Variants in WBP2NL observed in about 807,000 individuals in gnomAD.
WBP2NL encodes WBP2 N-terminal like.
In WBP2NL, 27 loss-of-function variants were observed where a neutral mutation model predicts 23.3. The ratio of observed to expected loss-of-function variants is 1.16; its 90% CI spans 0.85 to 1.60. The LOEUF is 1.60. Ranked by LOEUF, WBP2NL falls within the 40% of genes most tolerant of loss-of-function variation. The pLI, the probability that WBP2NL is intolerant of heterozygous loss-of-function variation, is 0.00. For synonymous variants in WBP2NL, 151 were observed against 145.9 expected, an observed-to-expected ratio of 1.03 and a Z score of -0.25; for missense variants, 370 against 389.5, an observed-to-expected ratio of 0.95 and a Z score of 0.42.
chr22:42,015,300 C>T (rs1923198803), intron 1 of WBP2NL, among the ~76,000 whole-genome samples: 1 of 152,200 alleles, frequency 6.6e-6, no homozygotes, highest in South Asian at 2.1e-4. Context: ...ACAAAATCTC[C>T]CAGCCCTTGC....
downstream of WBP2NL, chr22:42,033,044 G>A (rs577090063): frequency 7.0e-4 from 118 of 168,662 alleles, no homozygotes; most frequent in African/African-American, 2.8e-3. Flanking sequence ...CACCCGGCCT[G>A]ACAGGCTGCA....
chr22:42,038,256 CT>C (rs1280415641), intron 8 of WBP2NL, among the ~76,000 whole-genome samples: 1 of 152,034 alleles, frequency 6.6e-6, no homozygotes, highest in Non-Finnish European at 1.5e-5. Flanking sequence ...TGTTTCCTTC[CT>C]CTTATTGTGA....
At chr22:42,034,787 A>G (rs555860931), downstream of WBP2NL, among the ~76,000 whole-genome samples, 2 of 152,334 alleles carry the variant, frequency 1.3e-5, no homozygotes, top group African/African-American at 4.8e-5. Context: ...TGAGAAAGGA[A>G]TTCAGTGATA....
chr22:42,054,156 T>G (rs925626382), intron 8 of WBP2NL, among the ~76,000 whole-genome samples: 1 of 150,380 alleles, frequency 6.6e-6, no homozygotes, highest in African/African-American at 2.5e-5. Context: ...CAAGTCCAAC[T>G]TATCTATTTT....
At chr22:42,015,875 C>T (rs1923261015) in intron 1 of WBP2NL, among the ~76,000 whole-genome samples, 1 of 152,186 alleles carries the variant, frequency 6.6e-6, no homozygotes, top group African/African-American at 2.4e-5. Context: ...CTTTATTCCT[C>T]AAAGCATCTC....
intron 1 of WBP2NL, among the ~76,000 whole-genome samples, chr22:42,000,602 C>T (rs1233531240): frequency 6.6e-6 from 1 of 151,970 alleles, no homozygotes; most frequent in Non-Finnish European, 1.5e-5. Flanking sequence ...GAATAGTTGC[C>T]ACTGATAAAT....
chr22:42,013,875 G>A (rs1923067416), intron 1 of WBP2NL, among the ~76,000 whole-genome samples: 2 of 152,002 alleles, frequency 1.3e-5, no homozygotes, highest in South Asian at 4.1e-4. Context: ...CTGCCTCCTG[G>A]GTTCACGCAA....
chr22:42,018,079 G>A (rs1923483504), intron 1 of WBP2NL, among the ~76,000 whole-genome samples: 1 of 151,438 alleles, frequency 6.6e-6, no homozygotes, highest in Non-Finnish European at 1.5e-5. Flanking sequence ...AACCCGGGAG[G>A]CGGAGGTTGC....
chr22:42,041,197 G>A (rs557257549), intron 8 of WBP2NL, among the ~76,000 whole-genome samples: 116 of 152,070 alleles, frequency 7.6e-4, no homozygotes, highest in Non-Finnish European at 1.3e-3. Flanking sequence ...AGTCTGTTTT[G>A]GCTGGGCACA....
chr22:42,043,547 T>C (rs1320726154), intron 8 of WBP2NL, among the ~76,000 whole-genome samples: 1 of 152,072 alleles, frequency 6.6e-6, no homozygotes, highest in Non-Finnish European at 1.5e-5. Flanking sequence ...GTAGCTGTGG[T>C]GTTGGTAGTG....
intron 1 of WBP2NL, among the ~76,000 whole-genome samples, chr22:42,013,134 A>G (rs1922978799): frequency 6.6e-6 from 1 of 151,956 alleles, no homozygotes; most frequent in African/African-American, 2.4e-5. Context: ...GCACTTTGGG[A>G]GCCCGAGGTG....
At chr22:42,023,413 C>A (rs1386954773) in intron 5 of WBP2NL, among the ~76,000 whole-genome samples, 1 of 151,918 alleles carries the variant, frequency 6.6e-6, no homozygotes, top group African/African-American at 2.4e-5. Context: ...CAGGCTGGTT[C>A]TGAACTCCTG....
chr22:42,049,110 C>T (rs1925714994), intron 8 of WBP2NL, among the ~76,000 whole-genome samples: 1 of 152,132 alleles, frequency 6.6e-6, no homozygotes, highest in African/African-American at 2.4e-5. Flanking sequence ...TTAAGACTTG[C>T]TGTAAAGTTA....
At chr22:42,002,010 G>C in intron 1 of WBP2NL, 1 of 773,782 alleles carries the variant, frequency 1.3e-6, no homozygotes, top group Non-Finnish European at 1.9e-6. Flanking sequence ...ACTGGTCCGA[G>C]AATCGGCTTT....
chr22:42,024,681 C>T (rs897081414), intron 5 of WBP2NL, among the ~76,000 whole-genome samples: 4 of 151,880 alleles, frequency 2.6e-5, no homozygotes, highest in Admixed American at 6.6e-5. Context: ...TTATTTAAAT[C>T]GGATTGCTTG....
intron 1 of WBP2NL, chr22:42,002,845 CTACTT>C (rs133310): frequency 0.43 from 64,520 of 151,270 alleles, 14,785 homozygotes; most frequent in East Asian, 0.85. Flanking sequence ...TGGATAGAAA[CTACTT>C]TAAAGAACCA....
At chr22:42,006,740 A>G (rs1922290634) in intron 1 of WBP2NL, among the ~76,000 whole-genome samples, 1 of 152,174 alleles carries the variant, frequency 6.6e-6, no homozygotes, top group African/African-American at 2.4e-5. Context: ...TTATCTTTTA[A>G]TTCCATGAAC....
Position 42,054,185 on chromosome 22 carries a change from T to TA in WBP2NL, c.*274-4095dup, listed in dbSNP as rs897438224. Among the ~76,000 whole-genome samples, 25 of 151,106 alleles carry TA rather than the reference T, an allele frequency of 1.7e-4. No individual in the cohort carries two copies. The East Asian group carries it at 3.1e-3, about 19-fold the overall frequency. ...CTATTTTTTTTGATTGCTTCTGATT[T>TA]AAAAAAAAAATTTTTTTTTTGAGAC... is the stretch of plus-strand genomic sequence containing the variant. On this transcript the variant is annotated intron_variant and NMD_transcript_variant, in intron 8 of 8. Transcript: ENST00000436265.
chr22:42,006,704 T>C (rs892658273), intron 1 of WBP2NL, among the ~76,000 whole-genome samples: 3 of 152,240 alleles, frequency 2.0e-5, no homozygotes, highest in Admixed American at 6.5e-5. Context: ...TGTTGGAACT[T>C]ATGTTGAGAA....
Sources: gnomAD v4.1 joint callset for allele counts (sites outside exome capture counted in the v4.1 genomes callset) on GRCh38, gnomAD v4.1.1 for gene constraint, MANE v1.5 for transcripts, NCBI Gene and HGNC (gene_info 2026-07-23, HGNC 2026-07-21) for gene names.